The following VPS13B variants were observed in gnomAD, a reference collection of about 807,000 sequenced individuals.
The protein encoded by VPS13B is vacuolar protein sorting 13 homolog B.
In VPS13B, 285 loss-of-function variants were observed where a neutral mutation model predicts 426.4. The observed-to-expected ratio is 0.67, with a 90% CI of 0.61 to 0.74. VPS13B has a LOEUF of 0.74. VPS13B is among the 30% of genes least tolerant of loss of function. VPS13B has a pLI of 0.00. For synonymous variants in VPS13B, 1,676 were observed against 1,676.4 expected, an observed-to-expected ratio of 1.00 and a Z score of 0.01; for missense variants, 4,537 against 4,782.6, an observed-to-expected ratio of 0.95 and a Z score of 1.51.
chr8:99,860,549 G>A (rs950309415), intron 57 of VPS13B, among the ~76,000 whole-genome samples: 1 of 152,194 alleles, frequency 6.6e-6, no homozygotes, highest in African/African-American at 2.4e-5. Context: ...TTTTACACTT[G>A]TTCTTTTCTT....
chr8:99,117,442 G>A (rs1373437856), intron 7 of VPS13B, among the ~76,000 whole-genome samples: 2 of 152,082 alleles, frequency 1.3e-5, no homozygotes, highest in African/African-American at 2.4e-5. Flanking sequence ...CCATTCCTAC[G>A]TGTATATCAA....
chr8:99,140,418 T>C (rs1810348438), intron 12 of VPS13B, among the ~76,000 whole-genome samples: 1 of 151,194 alleles, frequency 6.6e-6, no homozygotes. Flanking sequence ...TAAAGGAAGC[T>C]TCTATTATTT....
At chr8:99,215,091 T>C (rs1815311612) in intron 17 of VPS13B, among the ~76,000 whole-genome samples, 1 of 152,240 alleles carries the variant, frequency 6.6e-6, no homozygotes, top group Non-Finnish European at 1.5e-5. Flanking sequence ...TCTGATTTTT[T>C]TCCCTGCTGT....
chr8:99,591,785 T>C (rs531186432), intron 33 of VPS13B, among the ~76,000 whole-genome samples: 2 of 152,142 alleles, frequency 1.3e-5, no homozygotes, highest in South Asian at 2.1e-4. Flanking sequence ...GCCCTCAGCA[T>C]TTTTTCCTTC....
chr8:99,677,193 T>A (rs775246340), intron 35 of VPS13B, among the ~76,000 whole-genome samples: 4 of 152,248 alleles, frequency 2.6e-5, no homozygotes, highest in Non-Finnish European at 5.9e-5. Context: ...TTTTAAATCA[T>A]ATTTAATCCT....
intron 3 of VPS13B, among the ~76,000 whole-genome samples, chr8:99,048,648 C>G (rs745764903): frequency 4.6e-5 from 7 of 152,176 alleles, no homozygotes; most frequent in African/African-American, 1.7e-4. Context: ...AACCCCTTCT[C>G]TGCTAAAAAT....
In VPS13B at chr8:99,275,182, T is replaced by C. The variant is rs886062539; in HGVS notation, c.2752T>C (p.Ser918Pro). 1.2e-6 allele frequency: 2 copies of C among 1,612,942 alleles called. No homozygotes were observed. The highest frequency in any genetic ancestry group is 8.5e-7 in the Non-Finnish European group (1 of 1,179,472). ...KWLNESRKPESLLAPDLMAFT... is the reference protein window; with the variant it reads ...KWLNESRKPEPLLAPDLMAFT... ...GCTCAATGAGAGTAGAAAGCCAGAGTCTCTCTTAGCTCCAGATTTGATGGC... is the reference window on the plus strand; with the variant it reads ...GCTCAATGAGAGTAGAAAGCCAGAGCCTCTCTTAGCTCCAGATTTGATGGC... Residue 918 changes from serine to proline, a missense_variant, in exon 19 of 62, where the codon TCT (serine) becomes CCT (proline). Transcript: ENST00000357162.
At chr8:99,273,819 A>AAAATAAT (rs1439888210) in intron 17 of VPS13B, among the ~76,000 whole-genome samples, 2 of 152,128 alleles carry the variant, frequency 1.3e-5, no homozygotes, top group Non-Finnish European at 2.9e-5. Context: ...TAAAAAATAA[A>AAAATAAT]GTCTTCGCCT....
chr8:99,372,844 A>G (rs990543210), intron 19 of VPS13B, among the ~76,000 whole-genome samples: 7 of 152,324 alleles, frequency 4.6e-5, no homozygotes, highest in East Asian at 1.9e-4. Context: ...GAATCATTCT[A>G]CTATAAAGAC....
At chr8:99,314,048 T>A (rs7841383) in intron 19 of VPS13B, among the ~76,000 whole-genome samples, 1,809 of 152,210 alleles carry the variant, frequency 0.012, 32 homozygotes, top group African/African-American at 0.041. Context: ...GTGTCCTGAT[T>A]TTCCAGGTGC....
At chr8:99,607,976 T>C (rs1256715697) in intron 33 of VPS13B, among the ~76,000 whole-genome samples, 2 of 152,144 alleles carry the variant, frequency 1.3e-5, no homozygotes, top group African/African-American at 2.4e-5. Context: ...GATTCCTTTA[T>C]TTGCTTCAGT....
intron 17 of VPS13B, among the ~76,000 whole-genome samples, chr8:99,250,506 G>A (rs1466564549): frequency 6.6e-6 from 1 of 151,728 alleles, no homozygotes; most frequent in Non-Finnish European, 1.5e-5. Flanking sequence ...CCTAGATTTG[G>A]CATTAATGTT....
rs562345851 is a variant in VPS13B at position 99,298,499 on chromosome 8, AAATT to A, written c.2824+23256_2824+23259del. Among the ~76,000 whole-genome samples the A allele has an allele frequency of 3.3e-5, 5 of 152,220 alleles. No homozygotes were observed. In the South Asian group the frequency reaches 6.2e-4, roughly 19 times the overall value. ...AGTGAAACTTGGTCTCAAAATAAAT[AAATT>A]AATTAATTAAATAAAATAAAAATAA... On this transcript the variant is annotated intron_variant, in intron 19 of 61. Transcript: ENST00000357162.
Position 99,251,430 on chromosome 8 carries a change from T to G in VPS13B, c.2516-22768T>G, listed in dbSNP as rs151116495. Among the ~76,000 whole-genome samples, 304 of 152,266 alleles carry G rather than the reference T, an allele frequency of 2.0e-3. 3 individuals carry two copies. The highest frequency in any genetic ancestry group is 3.7e-3 in the Non-Finnish European group (249 of 68,012). On this transcript the variant is annotated intron_variant, in intron 17 of 61. Transcript: ENST00000357162. The stretch of plus-strand genomic sequence containing the variant: ...CATCAGTTGATACTGTCATGTGGAT[T>G]TTTCTTCTTTAGCCTGTTCATATGG...
At chr8:99,229,736 A>G (rs188819170) in intron 17 of VPS13B, among the ~76,000 whole-genome samples, 2 of 152,262 alleles carry the variant, frequency 1.3e-5, no homozygotes, top group Non-Finnish European at 2.9e-5. Flanking sequence ...ATTACAGGGA[A>G]ACAAGGTCAG....
chr8:99,548,604 A>G (rs1321549098), intron 30 of VPS13B, among the ~76,000 whole-genome samples: 2 of 152,012 alleles, frequency 1.3e-5, no homozygotes, highest in Non-Finnish European at 2.9e-5. Flanking sequence ...TCTTAATTTC[A>G]TATTGAAAAA....
rs548427633 is a variant in VPS13B, at chr8:99,470,831, A to G, written c.3666+3197A>G. 1.9e-4 allele frequency among the ~76,000 whole-genome samples: 29 copies of G among 152,228 alleles called. 1 individual carries two copies. In the South Asian group the frequency reaches 3.1e-3, roughly 16 times the overall value. The stretch of plus-strand genomic sequence containing the variant: ...ATCCCAAACAGGATAAACCCAAAGT[A>G]ACAAACATTTGGACACATTGTGATT... On this transcript the variant is annotated intron_variant, in intron 24 of 61. Transcript: ENST00000357162.
chr8:99,642,110 G>A lies in VPS13B; in HGVS notation c.5520G>A (p.Lys1840=). ...ALSKSKSQEQ[K]NNEKTDKSSL... ...CCAAATCGAAATCACAAGAACAGAA[G>A]AATAATGAAAAAACAGACAAGAGTT... The change falls in exon 34 of 62, where the codon AAG becomes AAA. Residue 1840 remains lysine, a synonymous_variant. Coordinates refer to ENST00000357162, the MANE Select transcript of VPS13B (RefSeq NM_152564.5). 1 of 1,614,048 alleles carries A rather than the reference G, an allele frequency of 6.2e-7. No individual in the cohort carries two copies.
chr8:99,214,632 G>A (rs953834290), intron 17 of VPS13B, among the ~76,000 whole-genome samples: 8 of 151,982 alleles, frequency 5.3e-5, no homozygotes, highest in African/African-American at 1.9e-4. Flanking sequence ...GTTTAATCAT[G>A]TACCCATAGT....
Sources: gnomAD v4.1 joint callset for allele counts (sites outside exome capture counted in the v4.1 genomes callset) on GRCh38, gnomAD v4.1.1 for gene constraint, MANE v1.5 for transcripts, NCBI Gene and HGNC (gene_info 2026-07-23, HGNC 2026-07-21) for gene names.